Variants in IL1RAPL1 observed in about 807,000 individuals in gnomAD.
The protein encoded by IL1RAPL1 is interleukin 1 receptor accessory protein like 1.
In IL1RAPL1, 3 loss-of-function variants were observed where a neutral mutation model predicts 48.4. The ratio of observed to expected loss-of-function variants is 0.06; its 90% CI spans 0.03 to 0.16. The LOEUF (loss-of-function observed/expected upper bound fraction) is 0.16. Among genes scored for constraint, IL1RAPL1 ranks in the 10% least tolerant of loss-of-function variants. IL1RAPL1 has a pLI of 1.00. For missense variants in IL1RAPL1, 349 were observed against 530.6 expected (o/e 0.66, Z 3.36); for synonymous variants, 185 against 187.7 (o/e 0.99, Z 0.12).
chrX:29,273,396 G>A (rs1164456918), intron 2 of IL1RAPL1, among the ~76,000 whole-genome samples: 5 of 111,205 alleles, frequency 4.5e-5, no homozygotes, highest in African/African-American at 1.6e-4. Flanking sequence ...GATTTTAGGG[G>A]GCCACGGCTC....
At chrX:28,633,955 T>G (rs1459103878) in intron 1 of IL1RAPL1, among the ~76,000 whole-genome samples, 1 of 111,786 alleles carries the variant, frequency 8.9e-6, no homozygotes. Flanking sequence ...TTCCCAACAC[T>G]TAATTGCTTT....
At chrX:29,827,314 T>C (rs935699129) in intron 6 of IL1RAPL1, among the ~76,000 whole-genome samples, 7 of 112,560 alleles carry the variant, frequency 6.2e-5, no homozygotes, top group Non-Finnish European at 1.3e-4. Flanking sequence ...ACATTGAATA[T>C]AAAGGAAGAA....
chrX:29,917,519 T>C lies in IL1RAPL1; in HGVS notation c.834T>C (p.Ser278=). Residue 278 remains serine (S), a synonymous_variant, in exon 7 of 11, where the codon AGT becomes AGC. Coordinates refer to ENST00000378993, the MANE Select transcript of IL1RAPL1 (RefSeq NM_014271.4). ...RAFFGYSGDV[S]PLIYWMKGEK... ...TCTTTGGGTACAGCGGAGATGTCAGTCCTTTAATTTACTGGATGAAAGGAG... is the reference window on the plus strand; with the variant it reads ...TCTTTGGGTACAGCGGAGATGTCAGCCCTTTAATTTACTGGATGAAAGGAG... The C allele has an allele frequency of 8.3e-7, 1 of 1,205,082 alleles. No homozygotes were observed. The highest frequency in any genetic ancestry group is 1.1e-6 in the Non-Finnish European group (1 of 889,479).
At chrX:28,898,118 G>A (rs1420987436) in intron 2 of IL1RAPL1, among the ~76,000 whole-genome samples, 1 of 112,023 alleles carries the variant, frequency 8.9e-6, no homozygotes, top group Non-Finnish European at 1.9e-5. Context: ...GGATGTATAT[G>A]TGTAGGTCAC....
Position 29,956,387 on chromosome X carries a change from A to T in IL1RAPL1, c.*567A>T, listed in dbSNP as rs1402852944. 1 of 107,989 alleles carries T rather than the reference A, an allele frequency of 9.3e-6. No homozygotes were observed. Among genetic ancestry groups the T allele is most frequent in the Non-Finnish European group, 1.9e-5 (1 of 53,808 alleles). 8.9% of individuals were successfully genotyped at this position (107,989 alleles called of 1,213,427 possible). A position where few individuals can be genotyped will look rare whatever the true frequency, so the allele number is the denominator to read the frequency against. ...CACTTGTTCATAGGAGGGCCCCACC[A>T]GTCAGAGCCCTGAATCTCTTCCTTG... is the stretch of plus-strand genomic sequence containing the variant. On this transcript the variant is annotated 3_prime_UTR_variant, in exon 11 of 11. Transcript: ENST00000378993.
intron 1 of IL1RAPL1, among the ~76,000 whole-genome samples, chrX:28,657,037 A>G (rs945201972): frequency 1.8e-5 from 2 of 109,822 alleles, no homozygotes; most frequent in African/African-American, 6.6e-5. Context: ...AAAAAAAAAA[A>G]AAAAAAAAAG....
intron 6 of IL1RAPL1, among the ~76,000 whole-genome samples, chrX:29,727,231 AC>A (rs1006283112): frequency 1.8e-5 from 2 of 110,580 alleles, no homozygotes; most frequent in Non-Finnish European, 3.8e-5. Flanking sequence ...AAAAAGTTTT[AC>A]TCCTCCCTCC....
intron 2 of IL1RAPL1, among the ~76,000 whole-genome samples, chrX:28,852,124 A>C (rs1233951646): frequency 9.0e-6 from 1 of 111,714 alleles, no homozygotes; most frequent in Non-Finnish European, 1.9e-5. Context: ...ACAGGGACGC[A>C]CACAGGGATT....
intron 5 of IL1RAPL1, among the ~76,000 whole-genome samples, chrX:29,450,410 A>G (rs1315943333): frequency 1.8e-5 from 2 of 111,782 alleles, no homozygotes; most frequent in Non-Finnish European, 3.8e-5. Context: ...ACAACTACTT[A>G]TCTCTGCTGT....
At chrX:29,279,376 C>T (rs1213451517) in intron 2 of IL1RAPL1, among the ~76,000 whole-genome samples, 7 of 109,419 alleles carry the variant, frequency 6.4e-5, no homozygotes, top group Non-Finnish European at 1.9e-5. Flanking sequence ...GCGGAGGTTG[C>T]AGTGAGCCAA....
Position 29,435,708 on chromosome X carries a change from A to G in IL1RAPL1, c.703+36400A>G, listed in dbSNP as rs1175616631. ...TTGGCAATGGTTCTCTATTACATTT[A>G]CGAAAGAAAAAACCTGCTGATGAAG... On this transcript the variant is annotated intron_variant, in intron 5 of 10. Coordinates refer to ENST00000378993, the MANE Select transcript of IL1RAPL1 (RefSeq NM_014271.4). 9.0e-5 allele frequency among the ~76,000 whole-genome samples: 10 copies of G among 111,109 alleles called. No individual in the cohort carries two copies. The Admixed American group carries it at 9.6e-4, about 11-fold the overall frequency.
At chrX:28,859,362 G>A (rs1921884583) in intron 2 of IL1RAPL1, among the ~76,000 whole-genome samples, 1 of 111,761 alleles carries the variant, frequency 8.9e-6, no homozygotes, top group Non-Finnish European at 1.9e-5. Flanking sequence ...GGGTTCAAGC[G>A]ATTCTTCTGC....
At chrX:29,420,038 C>A (rs143842618) in intron 5 of IL1RAPL1, among the ~76,000 whole-genome samples, 90 of 111,840 alleles carry the variant, frequency 8.0e-4, no homozygotes, top group African/African-American at 2.9e-3. Context: ...ATGCTTTTTC[C>A]CTGTCTTTCT....
intron 2 of IL1RAPL1, among the ~76,000 whole-genome samples, chrX:29,140,913 G>A (rs1929230420): frequency 1.8e-5 from 2 of 111,226 alleles, no homozygotes; most frequent in Admixed American, 1.9e-4. Context: ...TGGTGATTAG[G>A]TTTCAACATA....
At chrX:29,923,453 C>T (rs1366634969) in intron 8 of IL1RAPL1, among the ~76,000 whole-genome samples, 1 of 112,163 alleles carries the variant, frequency 8.9e-6, no homozygotes, top group African/African-American at 3.2e-5. Flanking sequence ...GCCCATGGGC[C>T]ATATTGGTTT....
At chrX:29,615,033 T>C (rs1924242344) in intron 5 of IL1RAPL1, among the ~76,000 whole-genome samples, 1 of 111,869 alleles carries the variant, frequency 8.9e-6, no homozygotes, top group Non-Finnish European at 1.9e-5. Context: ...TCTTGCTGGA[T>C]GATACATAGA....
intron 2 of IL1RAPL1, among the ~76,000 whole-genome samples, chrX:29,048,342 C>T (rs1195678875): frequency 1.8e-5 from 2 of 111,715 alleles, no homozygotes; most frequent in Non-Finnish European, 3.8e-5. Context: ...TATTAGTGTT[C>T]TATGCCAAAA....
chrX:29,636,332 TAGTG>T (rs1352688340), intron 5 of IL1RAPL1, among the ~76,000 whole-genome samples: 3 of 111,894 alleles, frequency 2.7e-5, no homozygotes, highest in Non-Finnish European at 3.8e-5. Context: ...CTTAAAACAA[TAGTG>T]AGTTCCTATT....
intron 5 of IL1RAPL1, among the ~76,000 whole-genome samples, chrX:29,555,890 G>T (rs370834140): frequency 8.9e-6 from 1 of 112,296 alleles, no homozygotes; most frequent in African/African-American, 3.2e-5. Flanking sequence ...GCTGAGAATT[G>T]CAGGAATGTG....
Sources: allele counts gnomAD v4.1 joint callset (sites outside exome capture counted in the v4.1 genomes callset), GRCh38; gene constraint gnomAD v4.1.1; transcripts MANE v1.5; gene names NCBI Gene and HGNC (gene_info 2026-07-23, HGNC 2026-07-21).